The following LAMA2 variants were observed in gnomAD, a reference collection of about 807,000 sequenced individuals.
LAMA2 encodes the protein laminin subunit alpha 2, also known as laminin subunit alpha-2.
Under a neutral mutation model 364.8 loss-of-function variants are expected in LAMA2, and 269 were observed. The observed-to-expected ratio is 0.74, with a 90% CI of 0.67 to 0.82. The LOEUF (loss-of-function observed/expected upper bound fraction) is 0.82, where lower values mean the gene tolerates loss of function less well. LAMA2 is among the 40% of genes least tolerant of loss of function. The pLI is 0.00. For synonymous variants in LAMA2, 1,379 were observed against 1,370.6 expected (o/e 1.01, Z -0.14); for missense variants, 3,807 against 3,873.2 (o/e 0.98, Z 0.45).
intron 3 of LAMA2, among the ~76,000 whole-genome samples, chr6:129,077,818 A>G (rs1254692420): frequency 1.3e-5 from 2 of 152,160 alleles, no homozygotes; most frequent in Admixed American, 6.5e-5. Flanking sequence ...CAGGCTGACA[A>G]TCAAGACACT....
rs562177139 is a variant in LAMA2 at position 129,226,407 on chromosome 6, T to A, written c.1783-23705T>A. On this transcript the variant is annotated intron_variant, in intron 12 of 64. Transcript: ENST00000421865. ...AGCTGGTTATTTTGCTCGTTAGTTGTTTCAGTTTCTTCCTAGCATCGATGG... is the reference window on the plus strand; with the variant it reads ...AGCTGGTTATTTTGCTCGTTAGTTGATTCAGTTTCTTCCTAGCATCGATGG... Among the ~76,000 whole-genome samples the A allele has an allele frequency of 2.4e-4, 37 of 152,286 alleles. 1 individual carries two copies. In the East Asian group the frequency reaches 5.6e-3, roughly 23 times the overall value.
intron 22 of LAMA2, among the ~76,000 whole-genome samples, chr6:129,309,191 A>T (rs892479579): frequency 6.6e-6 from 1 of 152,216 alleles, no homozygotes; most frequent in African/African-American, 2.4e-5. Flanking sequence ...GTGAGCATAC[A>T]CATCATTTGG....
intron 1 of LAMA2, among the ~76,000 whole-genome samples, chr6:128,897,718 T>G (rs1582624600): frequency 6.6e-6 from 1 of 152,288 alleles, no homozygotes. Flanking sequence ...GTCTTATCTA[T>G]TTGTTGATCA....
chr6:129,274,219 C>T (rs1470324763), intron 17 of LAMA2, among the ~76,000 whole-genome samples: 1 of 151,532 alleles, frequency 6.6e-6, no homozygotes, highest in South Asian at 2.1e-4. Flanking sequence ...GAGAAAAATC[C>T]ATTTTCATCT....
intron 1 of LAMA2, among the ~76,000 whole-genome samples, chr6:129,040,479 A>G (rs116482250): frequency 0.023 from 3,515 of 152,150 alleles, 123 homozygotes; most frequent in African/African-American, 0.079. Context: ...AAAAATAGAA[A>G]TTAGCTGTAT....
chr6:129,264,934 T>A (rs534687572), intron 15 of LAMA2, among the ~76,000 whole-genome samples: 2 of 152,270 alleles, frequency 1.3e-5, no homozygotes, highest in East Asian at 3.9e-4. Flanking sequence ...GTAGTGTTAC[T>A]GAAAAGAAAA....
At chr6:129,306,588 C>G (rs190606256) in intron 22 of LAMA2, among the ~76,000 whole-genome samples, 2 of 151,532 alleles carry the variant, frequency 1.3e-5, no homozygotes, top group African/African-American at 4.8e-5. Context: ...TTCTGGAAAT[C>G]ATTTTTTGTA....
intron 1 of LAMA2, among the ~76,000 whole-genome samples, chr6:128,894,942 A>G (rs979355142): frequency 6.6e-6 from 1 of 152,234 alleles, no homozygotes; most frequent in African/African-American, 2.4e-5. Flanking sequence ...TGGATAATGT[A>G]TTGTGGACTC....
chr6:128,889,892 C>T (rs1027671559), intron 1 of LAMA2, among the ~76,000 whole-genome samples: 25 of 152,224 alleles, frequency 1.6e-4, no homozygotes, highest in Middle Eastern at 3.4e-3. Context: ...TATTTGGACA[C>T]GTGACATTTA....
chr6:128,929,642 A>T (rs1779327886), intron 1 of LAMA2: 3 of 1,415,954 alleles, frequency 2.1e-6, no homozygotes, highest in Non-Finnish European at 3.0e-6. Context: ...AATATGGAAT[A>T]GTGATGCGGT....
chr6:129,294,528 A>G (rs915432316), intron 20 of LAMA2, among the ~76,000 whole-genome samples: 2 of 152,160 alleles, frequency 1.3e-5, no homozygotes, highest in Non-Finnish European at 2.9e-5. Context: ...CAGTGATCCC[A>G]TTCATGAGAG....
At chr6:129,403,352 A>T (rs1163503613) in intron 39 of LAMA2, among the ~76,000 whole-genome samples, 1 of 152,216 alleles carries the variant, frequency 6.6e-6, no homozygotes, top group African/African-American at 2.4e-5. Flanking sequence ...CCAGGCTCTA[A>T]GTCCTTACTT....
At chr6:129,229,869 CAGG>C (rs1784569288) in intron 12 of LAMA2, among the ~76,000 whole-genome samples, 1 of 152,104 alleles carries the variant, frequency 6.6e-6, no homozygotes, top group Admixed American at 6.6e-5. Context: ...AAATTTTTTA[CAGG>C]AGATCATGAA....
chr6:128,915,070 A>G (rs776360370), intron 1 of LAMA2, among the ~76,000 whole-genome samples: 1 of 152,180 alleles, frequency 6.6e-6, no homozygotes, highest in South Asian at 2.1e-4. Flanking sequence ...GACCCTATTC[A>G]GTGGTAGAGA....
chr6:129,301,897 A>AG (rs567467017), intron 22 of LAMA2, among the ~76,000 whole-genome samples: 4 of 151,766 alleles, frequency 2.6e-5, no homozygotes, highest in Non-Finnish European at 4.4e-5. Flanking sequence ...TGTTTTTTTG[A>AG]GGGGGGGTTT....
At chr6:129,492,889 C>T (rs1039186569) in intron 58 of LAMA2, among the ~76,000 whole-genome samples, 1 of 152,198 alleles carries the variant, frequency 6.6e-6, no homozygotes, top group Admixed American at 6.5e-5. Flanking sequence ...CGCGGTGGCT[C>T]ACGCCTGTAA....
chr6:129,481,172 A>G (rs541740473), intron 54 of LAMA2, 91 bp from the exon 55 acceptor site: 2 of 958,026 alleles, frequency 2.1e-6, no homozygotes, highest in Admixed American at 3.5e-5. Context: ...TCATAATCAC[A>G]TTAATTGCAT....
intron 1 of LAMA2, among the ~76,000 whole-genome samples, chr6:128,891,117 T>C (rs1776427043): frequency 6.6e-6 from 1 of 152,110 alleles, no homozygotes; most frequent in East Asian, 1.9e-4. Context: ...TGATTTTTGT[T>C]GTCTTAAGGT....
At chr6:129,125,861 C>G (rs1777085401) in intron 4 of LAMA2, among the ~76,000 whole-genome samples, 1 of 151,980 alleles carries the variant, frequency 6.6e-6, no homozygotes, top group African/African-American at 2.4e-5. Context: ...TTGAATTATT[C>G]CACATTGCAT....
Sources: allele counts gnomAD v4.1 joint callset (sites outside exome capture counted in the v4.1 genomes callset), GRCh38; gene constraint gnomAD v4.1.1; transcripts MANE v1.5; gene names NCBI Gene and HGNC (gene_info 2026-07-23, HGNC 2026-07-21).